The following SGSM1 variants were observed in gnomAD, a reference collection of about 807,000 sequenced individuals.
SGSM1 encodes RUN and TBC1 domain containing 2.
In SGSM1, 73 loss-of-function variants were observed where a neutral mutation model predicts 133.8. That is an observed-to-expected ratio of 0.55 (90% CI 0.45 to 0.66). The LOEUF (loss-of-function observed/expected upper bound fraction) is 0.66, where lower values mean the gene tolerates loss of function less well. SGSM1 is among the 30% of genes least tolerant of loss of function. The pLI is 0.00. For missense variants in SGSM1, 1,213 were observed against 1,448.1 expected, an observed-to-expected ratio of 0.84 and a Z score of 2.64; for synonymous variants, 563 against 573.0, an observed-to-expected ratio of 0.98 and a Z score of 0.25.
rs754199852 is a variant in SGSM1 at position 24,898,405 on chromosome 22, G to A, written c.2456G>A (p.Ser819Asn). 1 of 1,613,918 alleles carries A rather than the reference G, an allele frequency of 6.2e-7. No individual in the cohort carries two copies. Among genetic ancestry groups the A allele is most frequent in the Non-Finnish European group, 8.5e-7 (1 of 1,179,874 alleles). ...GATGTTGTGATGGAGGGCTGGAGGA[G>A]CAGCGAGACAGAGAAACATGGCCAG... Reference protein sequence around the residue: ...KDDVVMEGWRSSETEKHGQAD... With the variant: ...KDDVVMEGWRNSETEKHGQAD... Residue 819 changes from serine to asparagine, a missense_variant, in exon 19 of 25, where the codon AGC (serine) becomes AAC (asparagine). By Grantham distance (46) the Ser-to-Asn change is conservative (BLOSUM62 1). Transcript: ENST00000400358.
At chr22:24,823,858 C>A (rs1194719845) in intron 2 of SGSM1, among the ~76,000 whole-genome samples, 1 of 152,004 alleles carries the variant, frequency 6.6e-6, no homozygotes, top group African/African-American at 2.4e-5. Context: ...TGCCGTGAGC[C>A]ATGATCGCGT....
chr22:24,908,107 A>C (rs542797355), intron 21 of SGSM1, among the ~76,000 whole-genome samples: 4 of 152,160 alleles, frequency 2.6e-5, no homozygotes, highest in Admixed American at 2.6e-4. Context: ...AGACAATTCA[A>C]CTCAGTGAGG....
intron 21 of SGSM1, among the ~76,000 whole-genome samples, chr22:24,911,829 C>T (rs1933634911): frequency 6.6e-6 from 1 of 152,098 alleles, no homozygotes; most frequent in Non-Finnish European, 1.5e-5. Context: ...CTGAGGCAGG[C>T]AGGTCACAAG....
At chr22:24,915,073 G>A (rs139772) in intron 22 of SGSM1, among the ~76,000 whole-genome samples, 51,024 of 151,914 alleles carry the variant, frequency 0.34, 9,038 homozygotes, top group East Asian at 0.56. Flanking sequence ...CTAAAAATAC[G>A]AAGAAATTAG....
chr22:24,872,445 G>T (rs1363342160), intron 12 of SGSM1, among the ~76,000 whole-genome samples: 1 of 152,066 alleles, frequency 6.6e-6, no homozygotes. Flanking sequence ...GGCAGATGGG[G>T]ATGTGCTGGA....
intron 15 of SGSM1, 69 bp from the exon 16 acceptor site, chr22:24,886,531 C>T (rs986241140): frequency 5.9e-6 from 9 of 1,524,066 alleles, no homozygotes; most frequent in Non-Finnish European, 8.0e-6. Flanking sequence ...TGGTGAAACC[C>T]CATCCCTACT....
At chr22:24,863,286 A>G (rs1339508732) in intron 9 of SGSM1, among the ~76,000 whole-genome samples, 2 of 152,040 alleles carry the variant, frequency 1.3e-5, no homozygotes, top group Admixed American at 6.5e-5. Context: ...CCTCCCGGGT[A>G]GCTGGGACTA....
chr22:24,876,667 A>G lies in SGSM1; in HGVS notation c.1382A>G (p.Gln461Arg). ...AAGTCCTCCTGTTCATCCTGTTCAC[A>G]GAGTGGCTCGGCTGATGGTAGCTCG... The part of the protein sequence containing the change: ...PRKSSCSSCS[Q>R]SGSADGSSTN... Residue 461 changes from glutamine (Q) to arginine (R), a missense_variant, in exon 13 of 25, where the codon CAG becomes CGG. Physicochemically the swap from Gln to Arg is conservative, Grantham distance 43. Transcript: ENST00000400358. 6.2e-7 allele frequency: 1 copy of G among 1,613,996 alleles called. No homozygotes were observed.
chr22:24,851,285 C>T (rs1335221344), intron 5 of SGSM1, among the ~76,000 whole-genome samples: 1 of 152,000 alleles, frequency 6.6e-6, no homozygotes, highest in African/African-American at 2.4e-5. Flanking sequence ...CTGGCATTAA[C>T]CTAGACGTCA....
intron 2 of SGSM1, among the ~76,000 whole-genome samples, chr22:24,823,199 A>G (rs964714362): frequency 1.3e-5 from 2 of 152,186 alleles, no homozygotes; most frequent in Non-Finnish European, 2.9e-5. Context: ...ATGAGATCAT[A>G]CCCCCAGGCA....
intron 19 of SGSM1, chr22:24,901,037 C>T (rs926468190): frequency 1.3e-5 from 2 of 152,108 alleles, no homozygotes; most frequent in African/African-American, 4.8e-5. Context: ...GGTTATAAAC[C>T]GCATGAGTTA....
chr22:24,924,128 G>T, intron 24 of SGSM1, 58 bp from the exon 25 acceptor site: 1 of 1,540,034 alleles, frequency 6.5e-7, no homozygotes, highest in Non-Finnish European at 9.0e-7. Flanking sequence ...GGCTGGAATT[G>T]TACCCTAAGA....
chr22:24,903,958 AC>A (rs1295980530), intron 20 of SGSM1, among the ~76,000 whole-genome samples: 2 of 149,422 alleles, frequency 1.3e-5, no homozygotes, highest in East Asian at 2.0e-4. Flanking sequence ...GGCAACAAGA[AC>A]AAAACTCTGT....
chr22:24,869,228 C>A (rs371952201), intron 12 of SGSM1, among the ~76,000 whole-genome samples: 11 of 152,206 alleles, frequency 7.2e-5, no homozygotes, highest in African/African-American at 2.6e-4. Flanking sequence ...GTAAGGCGGC[C>A]GGGCATGGTG....
chr22:24,882,128 G>T (rs1254684773), intron 14 of SGSM1, among the ~76,000 whole-genome samples: 3 of 152,082 alleles, frequency 2.0e-5, no homozygotes, highest in African/African-American at 4.8e-5. Flanking sequence ...CCGGCTAGAC[G>T]CAATTATGGT....
intron 2 of SGSM1, among the ~76,000 whole-genome samples, chr22:24,839,810 G>A (rs574846925): frequency 2.6e-5 from 4 of 151,840 alleles, no homozygotes; most frequent in African/African-American, 9.7e-5. Context: ...GGTTTTTTCT[G>A]TGGCATCAGT....
chr22:24,875,898 C>G (rs555073650), intron 12 of SGSM1, among the ~76,000 whole-genome samples: 401 of 152,212 alleles, frequency 2.6e-3, no homozygotes, highest in African/African-American at 9.4e-3. Flanking sequence ...AAATCAGAGT[C>G]CATCGAATAT....
At chr22:24,890,119 G>A (rs779737728) in intron 16 of SGSM1, among the ~76,000 whole-genome samples, 3 of 152,046 alleles carry the variant, frequency 2.0e-5, no homozygotes, top group Non-Finnish European at 2.9e-5. Context: ...ACCACGCCTG[G>A]CTAATTTTTT....
chr22:24,832,393 A>T (rs1051725482), intron 2 of SGSM1, among the ~76,000 whole-genome samples: 2 of 152,184 alleles, frequency 1.3e-5, no homozygotes, highest in African/African-American at 4.8e-5. Flanking sequence ...AAGCTTCTAG[A>T]GGTGCAGTTA....
Sources: allele counts gnomAD v4.1 joint callset (sites outside exome capture counted in the v4.1 genomes callset), GRCh38; gene constraint gnomAD v4.1.1; transcripts MANE v1.5; gene names NCBI Gene and HGNC (gene_info 2026-07-23, HGNC 2026-07-21).